The following GIMAP1 variants were observed in gnomAD, a reference collection of about 807,000 sequenced individuals.
The protein encoded by GIMAP1 is GTPase IMAP family member 1.
For missense variants in GIMAP1, 423 were observed against 411.9 expected, an observed-to-expected ratio of 1.03 and a Z score of -0.23; for synonymous variants, 230 against 187.7, an observed-to-expected ratio of 1.23 and a Z score of -1.84.
In GIMAP1 at chr7:150,720,338, C is replaced by T; in HGVS notation, c.334C>T (p.Pro112Ser). The T allele has an allele frequency of 1.9e-6, 3 of 1,613,110 alleles. No individual in the cohort carries two copies. Among genetic ancestry groups the T allele is most frequent in the Non-Finnish European group, 1.7e-6 (2 of 1,179,432 alleles). ...CTGCTACCTGCTCTCGGCCCCCGGA[C>T]CCCACGCGCTGCTCCTGGTGACCCA... is the stretch of plus-strand genomic sequence containing the variant. ...GHCYLLSAPGPHALLLVTQLG... is the reference protein window; with the variant it reads ...GHCYLLSAPGSHALLLVTQLG... Residue 112 changes from proline to serine, a missense_variant, in exon 3 of 3, where the codon CCC (proline) becomes TCC (serine). Pro to Ser is a moderately conservative substitution (Grantham distance 74). Transcript: ENST00000307194. This position sits in a 1 kb window ranked among gnomAD's most constrained non-coding sequence, Gnocchi z 4.5.
intron 1 of GIMAP1, among the ~76,000 whole-genome samples, 190 bp from the exon 2 acceptor site, chr7:150,718,852 C>T (rs928037341): frequency 1.4e-4 from 22 of 152,228 alleles, no homozygotes; most frequent in Admixed American, 1.2e-3. Flanking sequence ...TCTCTAGCCA[C>T]GTGCCCTTCT....
chr7:150,720,102 T>C lies in GIMAP1; in HGVS notation c.98T>C (p.Val33Ala). 6.2e-7 allele frequency: 1 copy of C among 1,613,684 alleles called. No individual in the cohort carries two copies. The highest frequency in any genetic ancestry group is 8.5e-7 in the Non-Finnish European group (1 of 1,179,984). The change falls in exon 3 of 3, where the codon GTT becomes GCT. Residue 33 changes from valine (V) to alanine (A), a missense_variant. By Grantham distance (64) the Val-to-Ala change is moderately conservative. Coordinates refer to ENST00000307194, the MANE Select transcript of GIMAP1 (RefSeq NM_130759.4). This position sits in a 1 kb window ranked among gnomAD's most constrained non-coding sequence, Gnocchi z 4.5. ...RQESTRRLIL[V>A]GRTGAGKSAT... ...GAGTCCACGCGGAGGCTCATCCTTG[T>C]TGGGAGAACAGGGGCCGGGAAGAGC... is the stretch of plus-strand genomic sequence containing the variant.
Position 150,720,927 on chromosome 7 carries a change from A to T in GIMAP1, c.*2A>T. ...GTTGCGGAGGTCGGGCCTGACTGAC[A>T]GCGCAGGTCCTAAAACTGAAGGCAA... On this transcript the variant is annotated 3_prime_UTR_variant, in exon 3 of 3. Transcript: ENST00000307194. This position sits in a 1 kb window ranked among gnomAD's most constrained non-coding sequence, Gnocchi z 4.5. 6.5e-7 allele frequency: 1 copy of T among 1,537,866 alleles called. No individual in the cohort carries two copies. The highest frequency in any genetic ancestry group is 8.7e-7 in the Non-Finnish European group (1 of 1,150,772).
Position 150,720,702 on chromosome 7 carries a change from G to A in GIMAP1, c.698G>A (p.Trp233Ter). 6.3e-7 allele frequency: 1 copy of A among 1,584,752 alleles called. No homozygotes were observed. ...TATGAGCTGGCGCAGGTGCTGCGCT[G>A]GGCAGGCCCTGAGGAGCGGCTCCGG... The part of the protein sequence containing the change: ...EVYELAQVLR[W>*]AGPEERLRRV... The change falls in exon 3 of 3, where the codon TGG becomes TAG. Residue 233 changes from tryptophan to a stop codon, truncating the protein, a stop_gained. Transcript: ENST00000307194. LOFTEE classifies it low-confidence loss of function (END_TRUNC). The surrounding 1 kb of genome is among the most constrained non-coding windows in gnomAD (Gnocchi z 4.5).
rs753942514 is a variant in GIMAP1, at chr7:150,720,592, G to A, written c.588G>A (p.Glu196=). The A allele has an allele frequency of 6.2e-7, 1 of 1,613,884 alleles. No individual in the cohort carries two copies. Among genetic ancestry groups the A allele is most frequent in the Non-Finnish European group, 8.5e-7 (1 of 1,179,872 alleles). Residue 196 remains glutamate (E), a synonymous_variant, in exon 3 of 3, where the codon GAG becomes GAA. Coordinates refer to ENST00000307194, the MANE Select transcript of GIMAP1 (RefSeq NM_130759.4). This position sits in a 1 kb window ranked among gnomAD's most constrained non-coding sequence, Gnocchi z 4.5. Reference sequence around the variant, plus strand: ...TTGATAACCGGGCCACCGGCCGGGAGCAGGAAGCCCAGGTGGAGCAGCTGC... The same window carrying A: ...TTGATAACCGGGCCACCGGCCGGGAACAGGAAGCCCAGGTGGAGCAGCTGC... ...CAFDNRATGR[E]QEAQVEQLLG...
chr7:150,717,988 G>A (rs933551397), intron 1 of GIMAP1, among the ~76,000 whole-genome samples: 2 of 152,152 alleles, frequency 1.3e-5, no homozygotes, highest in Admixed American at 1.3e-4. Context: ...GAGAACACAG[G>A]TATCCAAGTG....
chr7:150,718,089 AGT>A (rs1797243022), intron 1 of GIMAP1, among the ~76,000 whole-genome samples: 1 of 152,034 alleles, frequency 6.6e-6, no homozygotes, highest in Non-Finnish European at 1.5e-5. Context: ...GGGGAAGCCG[AGT>A]GGGTTGGAAA....
In GIMAP1 at chr7:150,722,679, G is replaced by T. The variant is rs1389345004; in HGVS notation, c.*1754G>T. ...TGGTTTAATGTACAGCAGCAACAAA[G>T]CTGCTTTGTGGAGCAGGGCTCCCAA... On this transcript the variant is annotated 3_prime_UTR_variant, in exon 3 of 3. Coordinates refer to ENST00000307194, the MANE Select transcript of GIMAP1 (RefSeq NM_130759.4). 2 of 152,276 alleles carry T rather than the reference G, an allele frequency of 1.3e-5. No homozygotes were observed. Among genetic ancestry groups the T allele is most frequent in the African/African-American group, 4.8e-5 (2 of 41,462 alleles). 9.4% of individuals were successfully genotyped at this position (152,276 alleles called of 1,614,324 possible).
Position 150,720,520 on chromosome 7 carries a change from G to C in GIMAP1, c.516G>C (p.Arg172=). 6.2e-7 allele frequency: 1 copy of C among 1,603,490 alleles called. No individual in the cohort carries two copies. Among genetic ancestry groups the C allele is most frequent in the Non-Finnish European group, 8.5e-7 (1 of 1,174,956 alleles). The change falls in exon 3 of 3, where the codon CGG becomes CGC. Residue 172 remains arginine (R), a synonymous_variant. Transcript: ENST00000307194. This position sits in a 1 kb window ranked among gnomAD's most constrained non-coding sequence, Gnocchi z 4.5. ...LHDYVSNTEN[R]ALRELVAECG... is the part of the protein sequence containing the mutation. ...ATTACGTGAGCAACACAGAGAACCG[G>C]GCCTTGCGCGAGCTGGTGGCCGAGT...
Position 150,721,152 on chromosome 7 carries a change from T to C in GIMAP1, c.*227T>C. On this transcript the variant is annotated 3_prime_UTR_variant, in exon 3 of 3. Transcript: ENST00000307194. Reference sequence around the variant, plus strand: ...GTGTATGCAGAGTTTTAAAATAAATTCGTCTAACAATAACTTCCTTTGGTA... The same window carrying C: ...GTGTATGCAGAGTTTTAAAATAAATCCGTCTAACAATAACTTCCTTTGGTA... 1 of 414,062 alleles carries C rather than the reference T, an allele frequency of 2.4e-6. No homozygotes were observed. 25.6% of individuals were successfully genotyped at this position (414,062 alleles called of 1,614,324 possible).
chr7:150,720,001 G>A lies in GIMAP1; in HGVS notation c.44-47G>A. 6.6e-7 allele frequency: 1 copy of A among 1,506,326 alleles called. No individual in the cohort carries two copies. The highest frequency in any genetic ancestry group is 1.3e-5 in the South Asian group (1 of 74,784). The allele number at this position is 1,506,326 out of a possible 1,614,324, so 93.3% of individuals were successfully genotyped here. On this transcript the variant is annotated intron_variant, in intron 2 of 2. Coordinates refer to ENST00000307194, the MANE Select transcript of GIMAP1 (RefSeq NM_130759.4). This position sits in a 1 kb window ranked among gnomAD's most constrained non-coding sequence, Gnocchi z 4.5. ...AGGCAAGAAGATTCCAGTTCCCAAG[G>A]GGAAGTTGGTTAAACTTAAGTAAGA... is the stretch of plus-strand genomic sequence containing the variant.
intron 1 of GIMAP1, among the ~76,000 whole-genome samples, chr7:150,718,057 G>A (rs1359533511): frequency 1.3e-5 from 2 of 150,352 alleles, no homozygotes; most frequent in African/African-American, 4.8e-5. Flanking sequence ...CAGATGGTCG[G>A]GGAGGATCAA....
At position 150,720,641 on chromosome 7, in the gene GIMAP1, C is replaced by A. The variant is rs774176893; in HGVS notation, c.637C>A (p.Leu213Met). Residue 213 changes from leucine (L) to methionine (M), a missense_variant, in exon 3 of 3, where the codon CTG becomes ATG. Physicochemically the swap from Leu to Met is conservative, Grantham distance 15. Coordinates refer to ENST00000307194, the MANE Select transcript of GIMAP1 (RefSeq NM_130759.4). The surrounding 1 kb of genome is among the most constrained non-coding windows in gnomAD (Gnocchi z 4.5). ...QLLGMVEGLV[L>M]EHKGAHYSNE... Reference sequence around the variant, plus strand: ...GCTGGGGATGGTCGAGGGCTTGGTGCTGGAGCACAAGGGCGCCCATTACTC... The same window carrying A: ...GCTGGGGATGGTCGAGGGCTTGGTGATGGAGCACAAGGGCGCCCATTACTC... 6 of 1,611,680 alleles carry A rather than the reference C, an allele frequency of 3.7e-6. No homozygotes were observed. Among genetic ancestry groups the A allele is most frequent in the Non-Finnish European group, 5.1e-6 (6 of 1,178,820 alleles).
Position 150,721,430 on chromosome 7 carries a change from C to CA in GIMAP1, c.*510dup, listed in dbSNP as rs1361987981. The CA allele has an allele frequency of 2.6e-5, 4 of 152,314 alleles. No individual in the cohort carries two copies. Among genetic ancestry groups the CA allele is most frequent in the Non-Finnish European group, 4.4e-5 (3 of 68,204 alleles). 9.4% of individuals were successfully genotyped at this position (152,314 alleles called of 1,614,324 possible). On this transcript the variant is annotated 3_prime_UTR_variant, in exon 3 of 3. Coordinates refer to ENST00000307194, the MANE Select transcript of GIMAP1 (RefSeq NM_130759.4). ...AGTTTATAGTACAATGATTTACTACCAAAAAGATGAATGTAACTGTACTGT... is the reference window on the plus strand; with the variant it reads ...AGTTTATAGTACAATGATTTACTACCAAAAAAGATGAATGTAACTGTACTGT...
Position 150,720,266 on chromosome 7 carries a change from A to C in GIMAP1, c.262A>C (p.Ser88Arg). 6.2e-7 allele frequency: 1 copy of C among 1,614,200 alleles called. No individual in the cohort carries two copies. Among genetic ancestry groups the C allele is most frequent in the East Asian group, 2.2e-5 (1 of 44,878 alleles). ...VEVVDTPDIF[S>R]SQVSKTDPGC... ...AGTCGTGGACACTCCGGACATTTTC[A>C]GCTCCCAAGTGTCCAAGACAGATCC... Residue 88 changes from serine to arginine, a missense_variant, in exon 3 of 3, where the codon AGC becomes CGC. Physicochemically the swap from Ser to Arg is moderately radical, Grantham distance 110. Coordinates refer to ENST00000307194, the MANE Select transcript of GIMAP1 (RefSeq NM_130759.4). The surrounding 1 kb of genome is among the most constrained non-coding windows in gnomAD (Gnocchi z 4.5).
In GIMAP1 at chr7:150,722,718, C is replaced by T. The variant is rs1045925192; in HGVS notation, c.*1793C>T. 9 of 152,252 alleles carry T rather than the reference C, an allele frequency of 5.9e-5. No homozygotes were observed. The highest frequency in any genetic ancestry group is 1.9e-4 in the African/African-American group (8 of 41,454). The allele number at this position is 152,252 out of a possible 1,614,324, so 9.4% of individuals were successfully genotyped here. On this transcript the variant is annotated 3_prime_UTR_variant, in exon 3 of 3. Transcript: ENST00000307194. ...CAGGGCTCCCAATAGGCAGTGTGCC[C>T]AGAGTAGCAGCTCGGAAGCAGTACT...
rs766010373 is a variant in GIMAP1 at position 150,720,883 on chromosome 7, C to T, written c.879C>T (p.His293=). 3.1e-6 allele frequency: 5 copies of T among 1,598,016 alleles called. No individual in the cohort carries two copies. Among genetic ancestry groups the T allele is most frequent in the Non-Finnish European group, 4.3e-6 (5 of 1,176,328 alleles). The part of the protein sequence containing the change: ...GGALLFWVLL[H]RRWSEAVAEV... ...CGCTCCTGTTCTGGGTGCTGCTCCACAGGCGGTGGTCGGAGGCCGTTGCGG... is the reference window on the plus strand; with the variant it reads ...CGCTCCTGTTCTGGGTGCTGCTCCATAGGCGGTGGTCGGAGGCCGTTGCGG... Residue 293 remains histidine (H), a synonymous_variant, in exon 3 of 3, where the codon CAC becomes CAT. Transcript: ENST00000307194. The surrounding 1 kb of genome is among the most constrained non-coding windows in gnomAD (Gnocchi z 4.5).
chr7:150,718,076 G>A (rs1797242708), intron 1 of GIMAP1, among the ~76,000 whole-genome samples: 1 of 152,162 alleles, frequency 6.6e-6, no homozygotes. Flanking sequence ...AATAGTCCTA[G>A]GAGGGGAAGC....
chr7:150,722,016 G>T lies in GIMAP1; in HGVS notation c.*1091G>T, dbSNP rs1797312927. On this transcript the variant is annotated 3_prime_UTR_variant, in exon 3 of 3. Transcript: ENST00000307194. Reference sequence around the variant, plus strand: ...ACACCTGAGCATCCTATGCTGTGAGGCGAAAGCATCCGGTTTTTTCGGGAT... The same window carrying T: ...ACACCTGAGCATCCTATGCTGTGAGTCGAAAGCATCCGGTTTTTTCGGGAT... 1.3e-5 allele frequency: 2 copies of T among 152,194 alleles called. No homozygotes were observed. The highest frequency in any genetic ancestry group is 1.3e-4 in the Admixed American group (2 of 15,278). 9.4% of individuals were successfully genotyped at this position (152,194 alleles called of 1,614,324 possible). A position where few individuals can be genotyped will look rare whatever the true frequency, so the allele number is the denominator to read the frequency against.
Sources: allele counts gnomAD v4.1 joint callset (sites outside exome capture counted in the v4.1 genomes callset), GRCh38; gene constraint gnomAD v4.1.1; non-coding constraint Gnocchi (gnomAD v3.1); transcripts MANE v1.5; gene names NCBI Gene and HGNC (gene_info 2026-07-23, HGNC 2026-07-21).